XKR9: variants seen among roughly 807,000 people sequenced by gnomAD.
The protein encoded by XKR9 is XK related 9.
In XKR9, 32 loss-of-function variants were observed where a neutral mutation model predicts 32.0. The observed-to-expected ratio is 1.00, with a 90% CI of 0.76 to 1.34. The LOEUF (loss-of-function observed/expected upper bound fraction) is 1.34, where lower values mean the gene tolerates loss of function less well. Ranked by LOEUF, XKR9 falls within the 40% of genes most tolerant of loss-of-function variation. XKR9 has a pLI of 0.00. For missense variants in XKR9, 546 were observed against 429.7 expected, an observed-to-expected ratio of 1.27 and a Z score of -2.39; for synonymous variants, 168 against 143.4, an observed-to-expected ratio of 1.17 and a Z score of -1.22.
the XKR9 span, among the ~76,000 whole-genome samples, chr8:70,994,109 T>TA: frequency 6.6e-6 from 1 of 151,950 alleles, no homozygotes; most frequent in Non-Finnish European, 1.5e-5. Flanking sequence ...AAATTTTTTT[T>TA]ATTTATAAGT....
At chr8:70,873,437 G>A in the XKR9 span, among the ~76,000 whole-genome samples, 1 of 152,178 alleles carries the variant, frequency 6.6e-6, no homozygotes, top group Non-Finnish European at 1.5e-5. Context: ...AAGAACATTT[G>A]TGATACATGA....
At chr8:70,858,712 G>C in the XKR9 span, among the ~76,000 whole-genome samples, 2 of 151,932 alleles carry the variant, frequency 1.3e-5, no homozygotes, top group African/African-American at 2.4e-5. Flanking sequence ...TTGCATTACA[G>C]CCAACTGATT....
At chr8:70,701,057 G>T (rs947150047) in intron 3 of XKR9, among the ~76,000 whole-genome samples, 1 of 152,172 alleles carries the variant, frequency 6.6e-6, no homozygotes, top group Non-Finnish European at 1.5e-5. Flanking sequence ...GTATTCGGGT[G>T]GGAGTGACCC....
At chr8:70,774,245 C>G (rs1159633091) in intron 2 of XKR9, among the ~76,000 whole-genome samples, 1 of 152,166 alleles carries the variant, frequency 6.6e-6, no homozygotes, top group East Asian at 1.9e-4. Flanking sequence ...TGTGCTATCT[C>G]TTAAAGCTTC....
chr8:70,971,912 C>G, the XKR9 span, among the ~76,000 whole-genome samples: 1 of 151,924 alleles, frequency 6.6e-6, no homozygotes, highest in Non-Finnish European at 1.5e-5. Context: ...CAGATTTGTT[C>G]TTTTTGGTTA....
At chr8:71,006,819 C>T in the XKR9 span, among the ~76,000 whole-genome samples, 2 of 152,136 alleles carry the variant, frequency 1.3e-5, no homozygotes, top group Non-Finnish European at 2.9e-5. Context: ...TATACTTATC[C>T]TTAGTCTTCT....
At chr8:70,847,110 A>G in the XKR9 span, among the ~76,000 whole-genome samples, 1 of 152,116 alleles carries the variant, frequency 6.6e-6, no homozygotes, top group East Asian at 1.9e-4. Context: ...AAGTCTCAAA[A>G]ATTTTTTAAA....
chr8:70,845,950 A>T, the XKR9 span, among the ~76,000 whole-genome samples: 13 of 152,150 alleles, frequency 8.5e-5, no homozygotes, highest in African/African-American at 3.1e-4. Flanking sequence ...TAAGAAGCTT[A>T]CAGATCCCCG....
chr8:70,931,399 G>A, the XKR9 span, among the ~76,000 whole-genome samples: 6 of 152,226 alleles, frequency 3.9e-5, no homozygotes, highest in Non-Finnish European at 5.9e-5. Flanking sequence ...TGGTAGGATC[G>A]TGACTAACCT....
chr8:71,021,796 C>T, the XKR9 span, among the ~76,000 whole-genome samples: 3 of 152,058 alleles, frequency 2.0e-5, no homozygotes, highest in Admixed American at 6.5e-5. Flanking sequence ...CCACCGCGCC[C>T]GGCCTGTTGA....
chr8:70,994,734 G>T, the XKR9 span, among the ~76,000 whole-genome samples: 1 of 137,694 alleles, frequency 7.3e-6, no homozygotes, highest in Non-Finnish European at 1.6e-5. Context: ...TTAGTTCTTA[G>T]ATGTTATATT....
chr8:70,916,176 C>T, the XKR9 span, among the ~76,000 whole-genome samples: 1 of 152,184 alleles, frequency 6.6e-6, no homozygotes, highest in South Asian at 2.1e-4. Flanking sequence ...TTCCCTATTT[C>T]CCGCTACCCT....
the XKR9 span, among the ~76,000 whole-genome samples, chr8:70,987,891 C>T: frequency 1.3e-5 from 2 of 152,158 alleles, no homozygotes; most frequent in Non-Finnish European, 2.9e-5. Context: ...GTTCCTAAAC[C>T]TCAATTCTTG....
chr8:71,064,140 T>C, the XKR9 span, among the ~76,000 whole-genome samples: 1 of 152,198 alleles, frequency 6.6e-6, no homozygotes, highest in Non-Finnish European at 1.5e-5. Context: ...GATAAAAGTA[T>C]AGAGATGAGT....
the XKR9 span, among the ~76,000 whole-genome samples, chr8:70,895,418 C>T: frequency 2.0e-5 from 3 of 152,110 alleles, no homozygotes; most frequent in African/African-American, 4.8e-5. Context: ...TTAATTGGCT[C>T]TCTTGCTGAT....
chr8:70,831,755 G>A, the XKR9 span, among the ~76,000 whole-genome samples: 3 of 152,134 alleles, frequency 2.0e-5, no homozygotes, highest in African/African-American at 7.2e-5. Context: ...TCAAAACAGT[G>A]TATGAGGTAG....
the XKR9 span, among the ~76,000 whole-genome samples, chr8:70,945,963 C>T: frequency 1.3e-5 from 2 of 151,998 alleles, no homozygotes; most frequent in Admixed American, 6.6e-5. Context: ...GGTGAAACCC[C>T]GTCTCTACCA....
the XKR9 span, among the ~76,000 whole-genome samples, chr8:70,863,289 A>T: frequency 6.6e-6 from 1 of 152,370 alleles, no homozygotes; most frequent in East Asian, 1.9e-4. Context: ...GATACATAAA[A>T]GAATAATTCA....
chr8:70,945,859 A>G, the XKR9 span, among the ~76,000 whole-genome samples: 1 of 152,218 alleles, frequency 6.6e-6, no homozygotes, highest in African/African-American at 2.4e-5. Flanking sequence ...ACATGCGGCC[A>G]GGCGCGGTGG....
Sources: allele counts gnomAD v4.1 joint callset (sites outside exome capture counted in the v4.1 genomes callset), GRCh38; gene constraint gnomAD v4.1.1; transcripts MANE v1.5; gene names NCBI Gene and HGNC (gene_info 2026-07-23, HGNC 2026-07-21).